ZFR2: variants seen among roughly 807,000 people sequenced by gnomAD.
ZFR2 encodes the protein zinc finger RNA binding protein 2.
A neutral mutation model predicts 105.7 loss-of-function variants in ZFR2; 104 were observed. The ratio of observed to expected loss-of-function variants is 0.98; its 90% CI spans 0.84 to 1.16. The LOEUF (loss-of-function observed/expected upper bound fraction) is 1.16, where lower values mean the gene tolerates loss of function less well. Among genes scored for constraint, ZFR2 ranks in the 50% most tolerant of loss-of-function variants. ZFR2 has a pLI of 0.00. For synonymous variants in ZFR2, 634 were observed against 597.7 expected (o/e 1.06, Z -0.89); for missense variants, 1,425 against 1,355.5 (o/e 1.05, Z -0.80).
At chr19:3,839,241 A>G (rs2038109987) in intron 1 of ZFR2, among the ~76,000 whole-genome samples, 1 of 152,046 alleles carries the variant, frequency 6.6e-6, no homozygotes, top group African/African-American at 2.4e-5. Flanking sequence ...GTCGATTAGG[A>G]AAGTGGTCCA....
intron 1 of ZFR2, among the ~76,000 whole-genome samples, chr19:3,854,074 ACC>A (rs1444253069): frequency 2.0e-5 from 3 of 149,832 alleles, no homozygotes; most frequent in African/African-American, 2.5e-5. Flanking sequence ...ACAGAGCGAG[ACC>A]CTGTCTCAAA....
intron 5 of ZFR2, among the ~76,000 whole-genome samples, chr19:3,829,261 C>G (rs779780681): frequency 1.3e-5 from 2 of 151,512 alleles, no homozygotes; most frequent in African/African-American, 2.4e-5. Flanking sequence ...CACGCCCAGC[C>G]TGGAATTTAG....
intron 11 of ZFR2, 144 bp from the exon 12 acceptor site, chr19:3,819,379 G>A (rs1359834859): frequency 1.2e-6 from 1 of 866,388 alleles, no homozygotes; most frequent in Non-Finnish European, 1.7e-6. Context: ...AGTGCACACA[G>A]AGAGCCCCGG....
chr19:3,822,302 A>G lies in ZFR2; in HGVS notation c.1372-102T>C, dbSNP rs199569781. On this transcript the variant is annotated intron_variant, in intron 8 of 18. Transcript: ENST00000262961. ...GGCGGAGCCTTCCTCCTTGCTGCTC[A>G]TTTTATTTATGTATGTCTTTTTAGA... is the stretch of plus-strand genomic sequence containing the variant. 8.5e-5 allele frequency: 127 copies of G among 1,498,580 alleles called. No individual in the cohort carries two copies. The East Asian group carries it at 1.9e-3, about 22-fold the overall frequency. The allele number at this position is 1,498,580 out of a possible 1,614,324, so 92.8% of individuals were successfully genotyped here. A position where few individuals can be genotyped will look rare whatever the true frequency, so the allele number is the denominator to read the frequency against.
chr19:3,826,393 G>A (rs1483181150), intron 6 of ZFR2, among the ~76,000 whole-genome samples: 4 of 151,872 alleles, frequency 2.6e-5, no homozygotes, highest in Admixed American at 1.3e-4. Flanking sequence ...CTCTCAGGTG[G>A]GGACTCCATC....
intron 5 of ZFR2, among the ~76,000 whole-genome samples, chr19:3,829,552 G>A (rs74805982): frequency 0.15 from 23,095 of 151,626 alleles, 2,079 homozygotes; most frequent in East Asian, 0.29. Context: ...TCGCCCTGTC[G>A]CCCAGGCTGG....
At position 3,813,338 on chromosome 19, in the gene ZFR2, C is replaced by T. The variant is rs2037789341; in HGVS notation, c.2242+482G>A. 6.6e-6 allele frequency among the ~76,000 whole-genome samples: 1 copy of T among 152,178 alleles called. No individual in the cohort carries two copies. The highest frequency in any genetic ancestry group is 2.4e-5 in the African/African-American group (1 of 41,440). On this transcript the variant is annotated intron_variant, in intron 14 of 18. Coordinates refer to ENST00000262961, the MANE Select transcript of ZFR2 (RefSeq NM_015174.2). This position sits in a 1 kb window ranked among gnomAD's most constrained non-coding sequence, Gnocchi z 4.4. ...CTGCCCCTAGCCTGGCCCGGCCCCT[C>T]ACCCACCCTCCCAGGCCTGGCAGGT...
chr19:3,860,226 G>A (rs1270254288), intron 1 of ZFR2, among the ~76,000 whole-genome samples: 2 of 151,122 alleles, frequency 1.3e-5, no homozygotes, highest in African/African-American at 4.9e-5. Flanking sequence ...TCAGAGATGG[G>A]GGGGGTCTCA....
intron 11 of ZFR2, among the ~76,000 whole-genome samples, chr19:3,819,725 G>A (rs1467064195): frequency 2.0e-5 from 3 of 152,078 alleles, no homozygotes; most frequent in Admixed American, 6.5e-5. Context: ...GGTGGCGGGC[G>A]CCCATAGTCC....
At position 3,823,652 on chromosome 19, in the gene ZFR2, C is replaced by G. The variant is rs896143622; in HGVS notation, c.1214-249G>C. ...GGGAGAAGCCCTGGTTTTAGGCCCT[C>G]GCTTGAGGAACCCACCGACAGCACA... On this transcript the variant is annotated intron_variant, in intron 7 of 18. Transcript: ENST00000262961. This position sits in a 1 kb window ranked among gnomAD's most constrained non-coding sequence, Gnocchi z 5.4. Among the ~76,000 whole-genome samples, 4 of 152,144 alleles carry G rather than the reference C, an allele frequency of 2.6e-5. No homozygotes were observed. The highest frequency in any genetic ancestry group is 5.9e-5 in the Non-Finnish European group (4 of 68,028).
At chr19:3,814,079 G>A in intron 13 of ZFR2, 121 bp from the exon 14 acceptor site, 1 of 1,446,420 alleles carries the variant, frequency 6.9e-7, no homozygotes, top group Non-Finnish European at 9.3e-7. Flanking sequence ...CTTGCTGCCT[G>A]GGTGCCGGGC....
chr19:3,831,625 G>T, intron 4 of ZFR2, 35 bp downstream of exon 4: 1 of 1,521,460 alleles, frequency 6.6e-7, no homozygotes, highest in East Asian at 2.4e-5. Context: ...GGGGACCGAC[G>T]GGCAGACCAC....
At chr19:3,830,559 G>A (rs1006775147) in intron 5 of ZFR2, among the ~76,000 whole-genome samples, 10 of 152,152 alleles carry the variant, frequency 6.6e-5, no homozygotes, top group East Asian at 3.9e-4. Flanking sequence ...GATCTGGGGC[G>A]GGAGGGGTCC....
At position 3,858,028 on chromosome 19, in the gene ZFR2, G is replaced by A. The variant is rs866169322; in HGVS notation, c.53+10937C>T. Reference sequence around the variant, plus strand: ...AATGTCTTTTGATGGCTTTTTGGTCGGAGAATTTGTTTTGGGAAGTCAAGC... The same window carrying A: ...AATGTCTTTTGATGGCTTTTTGGTCAGAGAATTTGTTTTGGGAAGTCAAGC... On this transcript the variant is annotated intron_variant, in intron 1 of 18. Transcript: ENST00000262961. The surrounding 1 kb of genome is among the most constrained non-coding windows in gnomAD (Gnocchi z 4.3). 5.9e-5 allele frequency among the ~76,000 whole-genome samples: 9 copies of A among 152,258 alleles called. No homozygotes were observed. In the South Asian group the frequency reaches 1.0e-3, roughly 18 times the overall value.
Position 3,811,386 on chromosome 19 carries a change from G to T in ZFR2, c.2243-20C>A. On this transcript the variant is annotated intron_variant, in intron 14 of 18. Coordinates refer to ENST00000262961, the MANE Select transcript of ZFR2 (RefSeq NM_015174.2). Reference sequence around the variant, plus strand: ...CCACACCTTCTAGAAGAAAAACCTCGAGGTGTGCGGGGAAGGTGCCTCGTC... The same window carrying T: ...CCACACCTTCTAGAAGAAAAACCTCTAGGTGTGCGGGGAAGGTGCCTCGTC... 1 of 1,559,038 alleles carries T rather than the reference G, an allele frequency of 6.4e-7. No individual in the cohort carries two copies. The highest frequency in any genetic ancestry group is 8.7e-7 in the Non-Finnish European group (1 of 1,153,438).
rs2038052911 is a variant in ZFR2 at position 3,834,266 on chromosome 19, C to CA, written c.265-489dup. Among the ~76,000 whole-genome samples the CA allele has an allele frequency of 6.6e-6, 1 of 152,146 alleles. No individual in the cohort carries two copies. The highest frequency in any genetic ancestry group is 2.4e-5 in the African/African-American group (1 of 41,434). ...ACATCTTTGCGACACCAAGTGGGAA[C>CA]ACGGTGGCTGGATCTGCAGCCTGAG... On this transcript the variant is annotated intron_variant, in intron 2 of 18. Coordinates refer to ENST00000262961, the MANE Select transcript of ZFR2 (RefSeq NM_015174.2). This position sits in a 1 kb window ranked among gnomAD's most constrained non-coding sequence, Gnocchi z 5.3.
intron 1 of ZFR2, among the ~76,000 whole-genome samples, chr19:3,852,945 T>C (rs1326902389): frequency 6.6e-6 from 1 of 152,210 alleles, no homozygotes; most frequent in African/African-American, 2.4e-5. Flanking sequence ...GTGCCCAGAA[T>C]GACTTCACTG....
At chr19:3,815,326 G>A (rs1015488203) in intron 13 of ZFR2, among the ~76,000 whole-genome samples, 2 of 152,160 alleles carry the variant, frequency 1.3e-5, no homozygotes, top group African/African-American at 4.8e-5. Flanking sequence ...CGGACCTCAG[G>A]TGATCCACCT....
chr19:3,854,964 T>C (rs1260489614), intron 1 of ZFR2, among the ~76,000 whole-genome samples: 1 of 152,176 alleles, frequency 6.6e-6, no homozygotes, highest in Non-Finnish European at 1.5e-5. Flanking sequence ...CTTGCTTTGT[T>C]GCCCAGGCTG....
Sources: gnomAD v4.1 joint callset for allele counts (sites outside exome capture counted in the v4.1 genomes callset) on GRCh38, gnomAD v4.1.1 for gene constraint, Gnocchi (gnomAD v3.1) non-coding constraint, MANE v1.5 for transcripts, NCBI Gene and HGNC (gene_info 2026-07-23, HGNC 2026-07-21) for gene names.